The following CSMD1 variants were observed in gnomAD, a reference collection of about 807,000 sequenced individuals.
CSMD1 encodes the protein CUB and Sushi multiple domains 1, also known as CUB and sushi domain-containing protein 1.
A neutral mutation model predicts 417.5 loss-of-function variants in CSMD1; 213 were observed. That is an observed-to-expected ratio of 0.51 (90% confidence interval 0.46 to 0.57). The LOEUF (loss-of-function observed/expected upper bound fraction) is 0.57, where lower values mean the gene tolerates loss of function less well. CSMD1 is among the 20% of genes least tolerant of loss of function. CSMD1 has a pLI of 0.00. For synonymous variants in CSMD1, 2,862 were observed against 1,736.8 expected, an observed-to-expected ratio of 1.65 and a Z score of -16.11; for missense variants, 6,923 against 4,529.7, an observed-to-expected ratio of 1.53 and a Z score of -15.17.
At chr8:3,703,083 T>G (rs186960190) in intron 7 of CSMD1, among the ~76,000 whole-genome samples, 1 of 152,330 alleles carries the variant, frequency 6.6e-6, no homozygotes, top group East Asian at 1.9e-4. Context: ...ATATTTAAGA[T>G]ATTAATGACT....
At chr8:4,566,514 G>A (rs897987479) in intron 2 of CSMD1, among the ~76,000 whole-genome samples, 10 of 151,856 alleles carry the variant, frequency 6.6e-5, no homozygotes, top group East Asian at 1.9e-4. Context: ...TTAGCCGGGC[G>A]TGGTGGCGGG....
intron 10 of CSMD1, among the ~76,000 whole-genome samples, chr8:3,541,199 A>G (rs140508078): frequency 0.012 from 1,784 of 152,360 alleles, 12 homozygotes; most frequent in East Asian, 0.037. Context: ...CTATGCAGCC[A>G]TAAGAAGGAA....
intron 5 of CSMD1, among the ~76,000 whole-genome samples, chr8:3,794,315 C>T (rs540743205): frequency 7.8e-4 from 118 of 152,166 alleles, no homozygotes; most frequent in Middle Eastern, 3.4e-3. Flanking sequence ...GAAAACTCTG[C>T]GCCTGGTGAT....
chr8:3,357,251 G>A (rs1412926775), intron 21 of CSMD1, among the ~76,000 whole-genome samples: 1 of 152,220 alleles, frequency 6.6e-6, no homozygotes, highest in Non-Finnish European at 1.5e-5. Context: ...AGGCCCTCCT[G>A]TCCAGTGCGG....
chr8:4,102,894 A>T (rs903585154), intron 3 of CSMD1, among the ~76,000 whole-genome samples: 7 of 152,338 alleles, frequency 4.6e-5, no homozygotes, highest in Non-Finnish European at 7.3e-5. Context: ...TCTAAAGGTT[A>T]TAGCAAAGTG....
At chr8:3,682,366 C>G (rs1427850752) in intron 7 of CSMD1, among the ~76,000 whole-genome samples, 4 of 152,284 alleles carry the variant, frequency 2.6e-5, no homozygotes, top group Non-Finnish European at 5.9e-5. Context: ...GCAACCGCAT[C>G]AACAAGTGGG....
chr8:3,336,836 G>A (rs1028557180), intron 23 of CSMD1, among the ~76,000 whole-genome samples: 33 of 152,184 alleles, frequency 2.2e-4, no homozygotes, highest in African/African-American at 7.7e-4. Flanking sequence ...AATTCATATA[G>A]CACCTGGCAT....
intron 47 of CSMD1, among the ~76,000 whole-genome samples, chr8:3,095,280 T>C (rs1815219825): frequency 6.6e-6 from 1 of 152,160 alleles, no homozygotes; most frequent in South Asian, 2.1e-4. Flanking sequence ...GGTTGGATGC[T>C]CTACATTTTA....
At chr8:3,782,423 C>G (rs1009120007) in intron 5 of CSMD1, among the ~76,000 whole-genome samples, 9 of 152,122 alleles carry the variant, frequency 5.9e-5, no homozygotes, top group African/African-American at 2.2e-4. Context: ...ATAGGCTGTT[C>G]AACAACCCTG....
intron 7 of CSMD1, among the ~76,000 whole-genome samples, chr8:3,692,907 G>C (rs540987978): frequency 3.3e-5 from 5 of 152,074 alleles, no homozygotes; most frequent in African/African-American, 1.2e-4. Flanking sequence ...CTAACAAAAT[G>C]CCATTCAATT....
chr8:4,941,856 T>C (rs1808026033), intron 1 of CSMD1, among the ~76,000 whole-genome samples: 1 of 152,172 alleles, frequency 6.6e-6, no homozygotes. Context: ...CACCTCAGCC[T>C]ACCAAAGTGC....
chr8:3,670,887 T>A, intron 7 of CSMD1, among the ~76,000 whole-genome samples: 1 of 115,024 alleles, frequency 8.7e-6, no homozygotes, highest in Non-Finnish European at 2.0e-5. Context: ...ATGGGATATA[T>A]ATGTATGTGA....
rs546985189 is a variant in CSMD1 at position 3,357,460 on chromosome 8, C to T, written c.3304+1692G>A. ...GGAGCCTGAAGCAGTGCCTAGTCTA[C>T]CACACACTGTTTAATAAATAGTACC... On this transcript the variant is annotated intron_variant, in intron 21 of 69. Coordinates refer to ENST00000635120, the MANE Select transcript of CSMD1 (RefSeq NM_033225.6). Among the ~76,000 whole-genome samples the T allele has an allele frequency of 3.9e-5, 6 of 152,324 alleles. No homozygotes were observed. In the East Asian group the frequency reaches 9.6e-4, roughly 24 times the overall value.
chr8:3,423,269 A>C (rs1225194521), intron 12 of CSMD1, among the ~76,000 whole-genome samples: 1 of 152,230 alleles, frequency 6.6e-6, no homozygotes, highest in African/African-American at 2.4e-5. Context: ...TCCAACACCA[A>C]AATCATGGTA....
intron 1 of CSMD1, among the ~76,000 whole-genome samples, chr8:4,639,871 G>C (rs1803086611): frequency 6.6e-6 from 1 of 152,070 alleles, no homozygotes; most frequent in Admixed American, 6.6e-5. Context: ...CTAATAAAAA[G>C]CCCATTTTCC....
At chr8:3,346,716 G>A (rs553441186) in intron 22 of CSMD1, among the ~76,000 whole-genome samples, 2 of 152,186 alleles carry the variant, frequency 1.3e-5, no homozygotes, top group Non-Finnish European at 2.9e-5. Flanking sequence ...ATTCTGTAAA[G>A]GGAGGACACA....
At chr8:3,112,648 G>T (rs983299373) in intron 42 of CSMD1, among the ~76,000 whole-genome samples, 7 of 152,176 alleles carry the variant, frequency 4.6e-5, no homozygotes, top group African/African-American at 1.7e-4. Context: ...GCCTGGGATG[G>T]AGATGCCATA....
chr8:3,672,958 G>C (rs977189276), intron 7 of CSMD1, among the ~76,000 whole-genome samples: 1 of 152,078 alleles, frequency 6.6e-6, no homozygotes, highest in South Asian at 2.1e-4. Context: ...AACTTATCTC[G>C]TTATTCCTAT....
intron 5 of CSMD1, among the ~76,000 whole-genome samples, chr8:3,782,831 C>A (rs1799254324): frequency 6.6e-6 from 1 of 152,128 alleles, no homozygotes; most frequent in African/African-American, 2.4e-5. Flanking sequence ...AGCATGAACA[C>A]TTATGGAGCG....
Sources: allele counts gnomAD v4.1 joint callset (sites outside exome capture counted in the v4.1 genomes callset), GRCh38; gene constraint gnomAD v4.1.1; transcripts MANE v1.5; gene names NCBI Gene and HGNC (gene_info 2026-07-23, HGNC 2026-07-21).